The following WDR72 variants were observed in gnomAD, a reference collection of about 807,000 sequenced individuals.
WDR72 encodes WD repeat-containing protein 72.
WDR72 carries 120 observed loss-of-function variants against 124.2 expected under a neutral mutation model. That is an observed-to-expected ratio of 0.97 (90% confidence interval 0.83 to 1.12). WDR72 has a LOEUF of 1.12. Among genes scored for constraint, WDR72 ranks in the 50% most tolerant of loss-of-function variants. The pLI is 0.00. For missense variants in WDR72, 1,387 were observed against 1,278.8 expected (o/e 1.08, Z -1.29); for synonymous variants, 452 against 441.7 (o/e 1.02, Z -0.29).
At position 53,726,222 on chromosome 15, in the gene WDR72, A is replaced by G. The variant is rs11633297; in HGVS notation, c.154-3314T>C. Among the ~76,000 whole-genome samples the G allele has an allele frequency of 3.3e-3, 298 of 89,264 alleles. 1 individual carries two copies. The highest frequency in any genetic ancestry group is 0.014 in the African/African-American group (262 of 19,274). 58.6% of individuals were successfully genotyped at this position (89,264 alleles called of 152,430 possible). ...TGTGTGTATATATATATGTATGTGT[A>G]TATATATATATATGTATGTGTGTAT... is the stretch of plus-strand genomic sequence containing the variant. On this transcript the variant is annotated intron_variant, in intron 2 of 19. Coordinates refer to ENST00000360509, the MANE Select transcript of WDR72 (RefSeq NM_182758.4).
intron 13 of WDR72, among the ~76,000 whole-genome samples, chr15:53,678,472 T>C (rs950472785): frequency 6.6e-6 from 1 of 152,190 alleles, no homozygotes; most frequent in African/African-American, 2.4e-5. Context: ...TTTCCTTCTT[T>C]TCCCGGAGCA....
chr15:53,613,640 C>T (rs1244703750), intron 16 of WDR72, 26 bp downstream of exon 16: 2 of 1,510,792 alleles, frequency 1.3e-6, no homozygotes, highest in South Asian at 1.1e-5. Flanking sequence ...AAAATCAGAT[C>T]ATATCTGTGC....
chr15:53,516,365 C>G lies in WDR72; in HGVS notation c.*1334G>C, dbSNP rs1464033025. On this transcript the variant is annotated 3_prime_UTR_variant, in exon 20 of 20. Coordinates refer to ENST00000360509, the MANE Select transcript of WDR72 (RefSeq NM_182758.4). ...CCCACGTCATTTCAATTACACAGTT[C>G]TCTTTTCTAATTTCCCCATCTCCTG... The G allele has an allele frequency of 1.3e-5, 2 of 152,058 alleles. No homozygotes were observed. The highest frequency in any genetic ancestry group is 2.4e-5 in the African/African-American group (1 of 41,420). 9.4% of individuals were successfully genotyped at this position (152,058 alleles called of 1,614,324 possible). A position where few individuals can be genotyped will look rare whatever the true frequency, so the allele number is the denominator to read the frequency against.
At chr15:53,756,778 T>C (rs1436580697) in intron 1 of WDR72, 2 of 152,146 alleles carry the variant, frequency 1.3e-5, no homozygotes, top group Non-Finnish European at 2.9e-5. Context: ...ATGAAGAAAA[T>C]GAGTCTTGGA....
In WDR72 at chr15:53,680,020, T is replaced by A. The variant is rs139562859; in HGVS notation, c.1766-14252A>T. On this transcript the variant is annotated intron_variant, in intron 13 of 19. Transcript: ENST00000360509. The stretch of plus-strand genomic sequence containing the variant: ...TTATGCAATTTAAATTTTGGTTATG[T>A]TGCTTTACTACAAACTATTAAAAAC... Among the ~76,000 whole-genome samples, 1,257 of 152,268 alleles carry A rather than the reference T, an allele frequency of 8.3e-3. 8 individuals carry two copies. Among genetic ancestry groups the A allele is most frequent in the Non-Finnish European group, 0.012 (794 of 68,016 alleles).
At chr15:53,747,665 TCA>T (rs1330424379) in intron 1 of WDR72, among the ~76,000 whole-genome samples, 32 of 152,184 alleles carry the variant, frequency 2.1e-4, no homozygotes, top group African/African-American at 4.8e-5. Context: ...TCAAAGATTT[TCA>T]CAGAGTATTG....
At chr15:53,538,162 T>C (rs1404742940) in intron 18 of WDR72, among the ~76,000 whole-genome samples, 1 of 152,194 alleles carries the variant, frequency 6.6e-6, no homozygotes. Flanking sequence ...TGATATACTT[T>C]ACATATATAT....
At chr15:53,572,021 G>T (rs543101742) in intron 18 of WDR72, among the ~76,000 whole-genome samples, 56 of 152,202 alleles carry the variant, frequency 3.7e-4, no homozygotes, top group African/African-American at 1.1e-3. Context: ...CTTCTTTAGA[G>T]AAATCTGTAT....
intron 2 of WDR72, 51 bp from the exon 3 acceptor site, chr15:53,722,959 T>C: frequency 6.7e-7 from 1 of 1,486,294 alleles, no homozygotes; most frequent in Non-Finnish European, 9.4e-7. Flanking sequence ...GTTTGAAGAA[T>C]AAAAACACCA....
intron 1 of WDR72, among the ~76,000 whole-genome samples, chr15:53,758,047 C>G (rs2018960729): frequency 6.6e-6 from 1 of 151,756 alleles, no homozygotes; most frequent in South Asian, 2.1e-4. Flanking sequence ...CGTCACCTAG[C>G]CTGGAGTACA....
intron 18 of WDR72, among the ~76,000 whole-genome samples, chr15:53,582,005 A>C (rs1025965974): frequency 2.0e-5 from 3 of 151,980 alleles, no homozygotes; most frequent in African/African-American, 7.2e-5. Flanking sequence ...GACTATATTC[A>C]ATGCAACTCT....
At chr15:53,670,502 C>T (rs1595835399) in intron 13 of WDR72, among the ~76,000 whole-genome samples, 1 of 152,204 alleles carries the variant, frequency 6.6e-6, no homozygotes, top group Admixed American at 6.5e-5. Context: ...CCATGCACAA[C>T]CCTGCCCATG....
intron 9 of WDR72, among the ~76,000 whole-genome samples, chr15:53,710,368 C>T (rs1484796559): frequency 6.9e-6 from 1 of 144,888 alleles, no homozygotes; most frequent in Non-Finnish European, 1.5e-5. Context: ...CACACACACA[C>T]ACAAATGCAG....
intron 2 of WDR72, among the ~76,000 whole-genome samples, chr15:53,730,642 CTCT>C (rs1171060149): frequency 6.6e-6 from 1 of 152,154 alleles, no homozygotes; most frequent in African/African-American, 2.4e-5. Flanking sequence ...CGACTTCCTT[CTCT>C]TCTTCCTACC....
chr15:53,726,222 A>ATATATATATGTATGTG (rs2018025648), intron 2 of WDR72, among the ~76,000 whole-genome samples: 1 of 89,262 alleles, frequency 1.1e-5, no homozygotes, highest in Non-Finnish European at 2.3e-5. Flanking sequence ...ATGTATGTGT[A>ATATATATATGTATGTG]TATATATATA....
At chr15:53,609,474 A>C (rs1165720999) in intron 17 of WDR72, 39 bp downstream of exon 17, 1 of 1,555,936 alleles carries the variant, frequency 6.4e-7, no homozygotes. Flanking sequence ...GCAGCAAGGA[A>C]CTCTTCTAAT....
At chr15:53,620,727 C>T (rs1031236711) in intron 14 of WDR72, among the ~76,000 whole-genome samples, 1 of 152,082 alleles carries the variant, frequency 6.6e-6, no homozygotes, top group Admixed American at 6.6e-5. Flanking sequence ...CTCTTCTAGA[C>T]ATCAGCCTAG....
intron 18 of WDR72, among the ~76,000 whole-genome samples, chr15:53,589,351 C>T (rs570225907): frequency 4.1e-4 from 63 of 151,976 alleles, no homozygotes; most frequent in Middle Eastern, 3.4e-3. Context: ...TAGCAATCGG[C>T]TGGTTTCCCT....
chr15:53,738,864 C>T (rs2018431280), intron 1 of WDR72, among the ~76,000 whole-genome samples: 2 of 152,276 alleles, frequency 1.3e-5, no homozygotes, highest in East Asian at 1.9e-4. Flanking sequence ...ACCATGGCCT[C>T]CCAAAGTGCT....
Sources: allele counts gnomAD v4.1 joint callset (sites outside exome capture counted in the v4.1 genomes callset), GRCh38; gene constraint gnomAD v4.1.1; transcripts MANE v1.5; gene names NCBI Gene and HGNC (gene_info 2026-07-23, HGNC 2026-07-21).